VPS13B: variants seen among roughly 807,000 people sequenced by gnomAD.
VPS13B encodes the protein intermembrane lipid transfer protein VPS13B.
Under a neutral mutation model 426.4 loss-of-function variants are expected in VPS13B, and 285 were observed. That is an observed-to-expected ratio of 0.67 (90% CI 0.61 to 0.74). The LOEUF (loss-of-function observed/expected upper bound fraction) is 0.74, where lower values mean the gene tolerates loss of function less well. Among genes scored for constraint, VPS13B ranks in the 30% least tolerant of loss-of-function variants. The pLI, the probability that VPS13B is intolerant of heterozygous loss-of-function variation, is 0.00. For missense variants in VPS13B, 4,537 were observed against 4,782.6 expected, an observed-to-expected ratio of 0.95 and a Z score of 1.51; for synonymous variants, 1,676 against 1,676.4, an observed-to-expected ratio of 1.00 and a Z score of 0.01.
intron 55 of VPS13B, among the ~76,000 whole-genome samples, chr8:99,849,675 CA>C (rs1816159203): frequency 6.6e-6 from 1 of 152,074 alleles, no homozygotes; most frequent in Non-Finnish European, 1.5e-5. Context: ...AAGATATACA[CA>C]GAGAGATGTA....
chr8:99,281,516 G>T (rs982070005), intron 19 of VPS13B, among the ~76,000 whole-genome samples: 5 of 152,086 alleles, frequency 3.3e-5, no homozygotes, highest in Non-Finnish European at 5.9e-5. Context: ...CCTTAACTTC[G>T]GGTTCATCTC....
intron 21 of VPS13B, among the ~76,000 whole-genome samples, chr8:99,423,235 G>A (rs1305489743): frequency 6.6e-6 from 1 of 151,452 alleles, no homozygotes; most frequent in African/African-American, 2.4e-5. Flanking sequence ...TTAGAAATCG[G>A]ATTATTTTAT....
chr8:99,204,885 A>G (rs188885108), intron 17 of VPS13B, among the ~76,000 whole-genome samples: 1 of 152,142 alleles, frequency 6.6e-6, no homozygotes, highest in Non-Finnish European at 1.5e-5. Flanking sequence ...GGAGAAATAG[A>G]AATGCTTTTA....
intron 59 of VPS13B, among the ~76,000 whole-genome samples, chr8:99,869,531 C>G (rs1817283836): frequency 6.6e-6 from 1 of 152,186 alleles, no homozygotes; most frequent in African/African-American, 2.4e-5. Context: ...TCATTTCCCT[C>G]TCCTTCTGTG....
intron 33 of VPS13B, among the ~76,000 whole-genome samples, chr8:99,626,418 G>T (rs868127136): frequency 2.6e-4 from 39 of 152,268 alleles, no homozygotes; most frequent in Middle Eastern, 6.8e-3. Context: ...TAGATTTCTG[G>T]TTACCTCAGG....
At chr8:99,494,568 A>G (rs1820790642) in intron 25 of VPS13B, among the ~76,000 whole-genome samples, 1 of 152,244 alleles carries the variant, frequency 6.6e-6, no homozygotes, top group East Asian at 1.9e-4. Context: ...TGTGGAATTC[A>G]TTGATTAGTT....
chr8:99,252,105 A>G (rs190098550), intron 17 of VPS13B, among the ~76,000 whole-genome samples: 1 of 151,596 alleles, frequency 6.6e-6, no homozygotes. Flanking sequence ...TTTTTTGTCC[A>G]TGCTTACTTT....
chr8:99,030,389 T>G (rs1842455446), intron 2 of VPS13B, among the ~76,000 whole-genome samples: 3 of 152,040 alleles, frequency 2.0e-5, no homozygotes, highest in Non-Finnish European at 2.9e-5. Flanking sequence ...ATACTCTGGT[T>G]TCCTTCTGCT....
chr8:99,362,216 A>G (rs905711931), intron 19 of VPS13B, among the ~76,000 whole-genome samples: 17 of 136,896 alleles, frequency 1.2e-4, no homozygotes, highest in African/African-American at 4.2e-4. Context: ...GATCTGGCTC[A>G]CTGCAAGCTC....
At chr8:99,139,434 C>CTT (rs368548690) in intron 12 of VPS13B, among the ~76,000 whole-genome samples, 106 of 135,662 alleles carry the variant, frequency 7.8e-4, no homozygotes, top group East Asian at 1.9e-3. Context: ...TTGATATTTC[C>CTT]TTTTTTTTTT....
chr8:99,349,152 T>C (rs1384734803), intron 19 of VPS13B, among the ~76,000 whole-genome samples: 1 of 149,286 alleles, frequency 6.7e-6, no homozygotes, highest in African/African-American at 2.5e-5. Flanking sequence ...GCTAAAACGG[T>C]GAAACCCCGT....
chr8:99,527,191 T>G (rs931487755), intron 30 of VPS13B, among the ~76,000 whole-genome samples: 5 of 152,006 alleles, frequency 3.3e-5, no homozygotes, highest in African/African-American at 1.2e-4. Flanking sequence ...AGCAACAAAA[T>G]TTTTGTAAAC....
intron 14 of VPS13B, 147 bp downstream of exon 14, chr8:99,148,157 C>G: frequency 1.2e-6 from 1 of 861,094 alleles, no homozygotes. Context: ...GCAGGATGCA[C>G]ACTTGAGGCC....
At chr8:99,325,308 A>G (rs1419476440) in intron 19 of VPS13B, among the ~76,000 whole-genome samples, 3 of 152,090 alleles carry the variant, frequency 2.0e-5, no homozygotes, top group African/African-American at 7.2e-5. Context: ...CTTTAGACTA[A>G]CTTCTCACCG....
At chr8:99,781,244 A>G (rs951132409) in intron 42 of VPS13B, among the ~76,000 whole-genome samples, 1 of 152,210 alleles carries the variant, frequency 6.6e-6, no homozygotes, top group African/African-American at 2.4e-5. Flanking sequence ...TTAAGGATCC[A>G]AAATGCCATT....
chr8:99,133,849 A>G (rs1036215274), intron 8 of VPS13B, among the ~76,000 whole-genome samples: 2 of 152,196 alleles, frequency 1.3e-5, no homozygotes, highest in Admixed American at 1.3e-4. Flanking sequence ...ACAGATCACC[A>G]TAACAGATAA....
At chr8:99,542,421 A>G (rs1441942079) in intron 30 of VPS13B, among the ~76,000 whole-genome samples, 3 of 152,224 alleles carry the variant, frequency 2.0e-5, no homozygotes, top group Non-Finnish European at 4.4e-5. Flanking sequence ...GAGACTTTGA[A>G]GAATATGTTG....
chr8:99,119,567 C>G (rs193277767), intron 7 of VPS13B: 11 of 151,904 alleles, frequency 7.2e-5, no homozygotes, highest in African/African-American at 2.7e-4. Flanking sequence ...AGGGTTTGCA[C>G]CTTATATAAA....
chr8:99,262,475 T>G (rs890393562), intron 17 of VPS13B, among the ~76,000 whole-genome samples: 3 of 152,170 alleles, frequency 2.0e-5, no homozygotes, highest in African/African-American at 7.2e-5. Flanking sequence ...TACACCTGTC[T>G]TATTAGTATT....
Sources: gnomAD v4.1 joint callset for allele counts (sites outside exome capture counted in the v4.1 genomes callset) on GRCh38, gnomAD v4.1.1 for gene constraint, MANE v1.5 for transcripts, NCBI Gene and HGNC (gene_info 2026-07-23, HGNC 2026-07-21) for gene names.